Variants in EPB41L4A observed in about 807,000 individuals in gnomAD.
EPB41L4A encodes the protein erythrocyte membrane protein band 4.1 like 4A.
Under a neutral mutation model 108.6 loss-of-function variants are expected in EPB41L4A, and 100 were observed. That is an observed-to-expected ratio of 0.92 (90% CI 0.78 to 1.09). The LOEUF (loss-of-function observed/expected upper bound fraction) is 1.09, where lower values mean the gene tolerates loss of function less well. EPB41L4A is among the 50% of genes least tolerant of loss of function. The pLI is 0.00. For missense variants in EPB41L4A, 1,030 were observed against 842.7 expected, an observed-to-expected ratio of 1.22 and a Z score of -2.75; for synonymous variants, 319 against 289.0, an observed-to-expected ratio of 1.10 and a Z score of -1.05.
chr5:112,275,020 A>G (rs1752526313), intron 4 of EPB41L4A, among the ~76,000 whole-genome samples: 1 of 152,216 alleles, frequency 6.6e-6, no homozygotes, highest in African/African-American at 2.4e-5. Flanking sequence ...GGCAGTTCAA[A>G]TAACTTCGAT....
intron 3 of EPB41L4A, among the ~76,000 whole-genome samples, chr5:112,275,956 A>T (rs1254656356): frequency 6.6e-6 from 1 of 152,166 alleles, no homozygotes; most frequent in Non-Finnish European, 1.5e-5. Flanking sequence ...CAGAAATATC[A>T]TACCTTTTGT....
In EPB41L4A at chr5:112,307,760, C is replaced by T. The variant is rs2150580356; in HGVS notation, c.100-270G>A. Among the ~76,000 whole-genome samples the T allele has an allele frequency of 2.6e-5, 4 of 152,176 alleles. 1 individual carries two copies. The South Asian group carries it at 8.3e-4, about 32-fold the overall frequency. ...TCTTTCTTCTGGGATTATAAATTATCTTCAGGACAAAATTCTTCTTTTAAT... is the reference window on the plus strand; with the variant it reads ...TCTTTCTTCTGGGATTATAAATTATTTTCAGGACAAAATTCTTCTTTTAAT... On this transcript the variant is annotated intron_variant, in intron 1 of 22. Transcript: ENST00000261486.
chr5:112,165,760 C>T (rs528569848), intron 22 of EPB41L4A, among the ~76,000 whole-genome samples: 12 of 152,310 alleles, frequency 7.9e-5, no homozygotes, highest in South Asian at 2.1e-4. Flanking sequence ...ATATTTCCTT[C>T]CCCAAATGTA....
intron 1 of EPB41L4A, among the ~76,000 whole-genome samples, chr5:112,400,325 GGATTACAATTCGAGGT>G (rs11274419): frequency 0.033 from 4,996 of 152,232 alleles, 271 homozygotes; most frequent in African/African-American, 0.11. Context: ...AAACACGTGG[GGATTACAATTCGAGGT>G]GAGATTTGCG....
intron 1 of EPB41L4A, among the ~76,000 whole-genome samples, chr5:112,322,074 C>T (rs915601518): frequency 3.3e-5 from 5 of 152,138 alleles, no homozygotes; most frequent in African/African-American, 4.8e-5. Context: ...TTATACTTTA[C>T]GTGTACTAAC....
In EPB41L4A at chr5:112,331,898, T is replaced by C. The variant is rs1756593726; in HGVS notation, c.100-24408A>G. On this transcript the variant is annotated intron_variant, in intron 1 of 22. Transcript: ENST00000261486. ...ATTAGAACTACCTGGGTTTTTTCAA[T>C]GCTAATCCCTGACCTTTCACCCTGC... 2.6e-5 allele frequency among the ~76,000 whole-genome samples: 4 copies of C among 152,204 alleles called. No homozygotes were observed. The South Asian group carries it at 8.3e-4, about 32-fold the overall frequency.
At chr5:112,229,906 T>C (rs1300276450) in intron 12 of EPB41L4A, among the ~76,000 whole-genome samples, 1 of 149,010 alleles carries the variant, frequency 6.7e-6, no homozygotes, top group Non-Finnish European at 1.5e-5. Context: ...GAGAATGGTG[T>C]GAACCCAGGA....
chr5:112,307,096 A>C (rs1163758554), intron 2 of EPB41L4A, among the ~76,000 whole-genome samples: 1 of 151,966 alleles, frequency 6.6e-6, no homozygotes, highest in African/African-American at 2.4e-5. Context: ...TCAGTCCTCC[A>C]TGTTCACTCA....
At chr5:112,349,744 A>G (rs1757920128) in intron 1 of EPB41L4A, among the ~76,000 whole-genome samples, 1 of 152,178 alleles carries the variant, frequency 6.6e-6, no homozygotes, top group African/African-American at 2.4e-5. Flanking sequence ...TGGGGTCCAA[A>G]ATGGCATGGA....
In EPB41L4A at chr5:112,209,999, A is replaced by C. The variant is rs187007413; in HGVS notation, c.1088-17T>G. The stretch of plus-strand genomic sequence containing the variant: ...TGTTTGATTCTAGCAGAGGAGGAGA[A>C]GGAAAGATGGAAGAGAGAGGAAACA... On this transcript the variant is annotated splice_polypyrimidine_tract_variant and intron_variant, in intron 12 of 22. Coordinates refer to ENST00000261486, the MANE Select transcript of EPB41L4A (RefSeq NM_022140.5). The C allele has an allele frequency of 7.1e-7, 1 of 1,409,582 alleles. No homozygotes were observed. The highest frequency in any genetic ancestry group is 2.3e-5 in the East Asian group (1 of 42,776). 87.3% of individuals were successfully genotyped at this position (1,409,582 alleles called of 1,614,324 possible).
chr5:112,355,797 A>G (rs1752738511), intron 1 of EPB41L4A, among the ~76,000 whole-genome samples: 1 of 152,100 alleles, frequency 6.6e-6, no homozygotes, highest in African/African-American at 2.4e-5. Flanking sequence ...TACACATTCT[A>G]TTTGCTTTTA....
downstream of EPB41L4A, chr5:112,162,180 G>C (rs983119126): frequency 6.6e-6 from 1 of 152,174 alleles, no homozygotes; most frequent in African/African-American, 2.4e-5. Context: ...TTGAAAATTT[G>C]ATCTTCACAA....
chr5:112,308,631 A>G (rs551048083), intron 1 of EPB41L4A, among the ~76,000 whole-genome samples: 1 of 152,308 alleles, frequency 6.6e-6, no homozygotes, highest in Admixed American at 6.5e-5. Context: ...CCCTTCCATG[A>G]TGAATCTTTA....
intron 1 of EPB41L4A, among the ~76,000 whole-genome samples, chr5:112,322,889 A>G (rs1221614805): frequency 6.6e-6 from 1 of 151,934 alleles, no homozygotes; most frequent in Non-Finnish European, 1.5e-5. Flanking sequence ...AGAGAGACCA[A>G]GATGAATAAC....
chr5:112,310,123 G>C (rs1286207352), intron 1 of EPB41L4A, among the ~76,000 whole-genome samples: 3 of 152,182 alleles, frequency 2.0e-5, no homozygotes, highest in African/African-American at 7.2e-5. Flanking sequence ...ATAAATGACT[G>C]TATGTTTAAA....
intron 18 of EPB41L4A, among the ~76,000 whole-genome samples, chr5:112,171,287 C>T (rs528643446): frequency 1.6e-4 from 24 of 152,284 alleles, no homozygotes; most frequent in Non-Finnish European, 2.2e-4. Flanking sequence ...AACTGTACAA[C>T]GAAGAATGAT....
At chr5:112,237,278 C>G (rs1187467395) in intron 11 of EPB41L4A, among the ~76,000 whole-genome samples, 1 of 152,146 alleles carries the variant, frequency 6.6e-6, no homozygotes, top group African/African-American at 2.4e-5. Flanking sequence ...TTCAGCTCAG[C>G]CTTTCCTCAC....
chr5:112,167,185 G>T (rs1055036643), intron 22 of EPB41L4A, among the ~76,000 whole-genome samples: 1 of 149,600 alleles, frequency 6.7e-6, no homozygotes. Flanking sequence ...AACCCTAGGA[G>T]GTAGGTTATC....
chr5:112,189,825 T>C (rs543443867), intron 17 of EPB41L4A, among the ~76,000 whole-genome samples: 1 of 152,308 alleles, frequency 6.6e-6, no homozygotes, highest in South Asian at 2.1e-4. Flanking sequence ...GGACTGCTGA[T>C]TTTCATCAAT....
Sources: gnomAD v4.1 joint callset for allele counts (sites outside exome capture counted in the v4.1 genomes callset) on GRCh38, gnomAD v4.1.1 for gene constraint, MANE v1.5 for transcripts, NCBI Gene and HGNC (gene_info 2026-07-23, HGNC 2026-07-21) for gene names.